Variants in CYLC2 observed in about 807,000 individuals in gnomAD.
CYLC2 encodes the protein cylicin-2.
Under a neutral mutation model 26.1 loss-of-function variants are expected in CYLC2, and 30 were observed. That is an observed-to-expected ratio of 1.15 (90% CI 0.86 to 1.56). The LOEUF (loss-of-function observed/expected upper bound fraction) is 1.56. Ranked by LOEUF, CYLC2 falls within the 40% of genes most tolerant of loss-of-function variation. CYLC2 has a pLI of 0.00. For missense variants in CYLC2, 498 were observed against 394.4 expected, an observed-to-expected ratio of 1.26 and a Z score of -2.23; for synonymous variants, 158 against 132.8, an observed-to-expected ratio of 1.19 and a Z score of -1.31.
At chr9:103,008,625 G>A (rs1249100372) in intron 5 of CYLC2, among the ~76,000 whole-genome samples, 1 of 152,038 alleles carries the variant, frequency 6.6e-6, no homozygotes, top group East Asian at 1.9e-4. Context: ...TATCCAATCT[G>A]TAGCTTAATC....
intron 6 of CYLC2, among the ~76,000 whole-genome samples, chr9:103,013,849 A>G (rs1829450635): frequency 8.8e-6 from 1 of 113,400 alleles, no homozygotes; most frequent in African/African-American, 3.6e-5. Flanking sequence ...TAAAGATAAT[A>G]CAATGTATTA....
chr9:103,018,420 G>C lies in CYLC2; in HGVS notation c.*986G>C, dbSNP rs1265936742. The C allele has an allele frequency of 6.6e-6, 1 of 151,908 alleles. No individual in the cohort carries two copies. Among genetic ancestry groups the C allele is most frequent in the Non-Finnish European group, 1.5e-5 (1 of 67,964 alleles). 9.4% of individuals were successfully genotyped at this position (151,908 alleles called of 1,614,324 possible). A position where few individuals can be genotyped will look rare whatever the true frequency, so the allele number is the denominator to read the frequency against. ...TTCCTGTCATGAAAGTTGCTTGACA[G>C]CTCTAATTACGAATTGAACACATTA... On this transcript the variant is annotated 3_prime_UTR_variant, in exon 8 of 8. Coordinates refer to ENST00000374798, the MANE Select transcript of CYLC2 (RefSeq NM_001340.5).
Position 103,014,937 on chromosome 9 carries a change from A to G in CYLC2, c.*817-1951A>G, listed in dbSNP as rs1271575752. Among the ~76,000 whole-genome samples, 5 of 133,776 alleles carry G rather than the reference A, an allele frequency of 3.7e-5. No homozygotes were observed. The South Asian group carries it at 6.9e-4, about 19-fold the overall frequency. 87.8% of individuals were successfully genotyped at this position (133,776 alleles called of 152,430 possible). On this transcript the variant is annotated intron_variant, in intron 6 of 7. Transcript: ENST00000374798. ...ATACATAATATGTATATTATGTAGT[A>G]TACATAATACATGTAATATACATAT...
In CYLC2 at chr9:103,001,630, T is replaced by C. The variant is rs10820335; in HGVS notation, c.58+12T>C. On this transcript the variant is annotated intron_variant, in intron 2 of 7. Coordinates refer to ENST00000374798, the MANE Select transcript of CYLC2 (RefSeq NM_001340.5). ...TAATTACATTCCAGGTAAGAAAGCA[T>C]TCAATATTTATTACAAAACAGGTGT... is the stretch of plus-strand genomic sequence containing the variant. 361,707 of 1,518,736 alleles carry C rather than the reference T, an allele frequency of 0.24. 46,010 individuals are homozygous for C. The highest frequency in any genetic ancestry group is 0.29 in the Admixed American group (16,280 of 56,874). 94.1% of individuals were successfully genotyped at this position (1,518,736 alleles called of 1,614,324 possible).
intron 3 of CYLC2, 122 bp from the exon 4 acceptor site, chr9:103,004,573 C>A: frequency 1.5e-6 from 1 of 685,044 alleles, no homozygotes; most frequent in Non-Finnish European, 2.2e-6. Flanking sequence ...CTCAAACTTC[C>A]CCATTTTTTA....
At chr9:103,013,859 ATATAT>A (rs1829450918) in intron 6 of CYLC2, among the ~76,000 whole-genome samples, 1 of 91,620 alleles carries the variant, frequency 1.1e-5, no homozygotes, top group Non-Finnish European at 2.1e-5. Flanking sequence ...ACAATGTATT[ATATAT>A]TATATATTAT....
intron 5 of CYLC2, among the ~76,000 whole-genome samples, chr9:103,010,066 G>A (rs148884861): frequency 1.7e-4 from 25 of 151,314 alleles, no homozygotes; most frequent in African/African-American, 5.6e-4. Flanking sequence ...ATTTTTGATG[G>A]CATCAAAATA....
intron 3 of CYLC2, 59 bp downstream of exon 3, chr9:103,003,322 T>A: frequency 7.1e-7 from 1 of 1,414,548 alleles, no homozygotes; most frequent in Non-Finnish European, 9.7e-7. Flanking sequence ...GTAATAATTA[T>A]AACCATAATA....
rs1238066656 is a variant in CYLC2 at position 103,013,521 on chromosome 9, T to A, written c.*816+1424T>A. The stretch of plus-strand genomic sequence containing the variant: ...TATATTATATTTGTAAGAAATAAAT[T>A]ATATTAAGTATATATTAAATTATAT... On this transcript the variant is annotated intron_variant, in intron 6 of 7. Coordinates refer to ENST00000374798, the MANE Select transcript of CYLC2 (RefSeq NM_001340.5). 7.2e-4 allele frequency among the ~76,000 whole-genome samples: 81 copies of A among 112,212 alleles called. 2 individuals carry two copies. The highest frequency in any genetic ancestry group is 2.9e-3 in the African/African-American group (79 of 27,370). The allele number at this position is 112,212 out of a possible 152,430, so 73.6% of individuals were successfully genotyped here.
intron 5 of CYLC2, among the ~76,000 whole-genome samples, chr9:103,007,203 C>A (rs12235843): frequency 6.6e-6 from 1 of 151,752 alleles, no homozygotes; most frequent in Admixed American, 6.6e-5. Flanking sequence ...GGAGAGACAA[C>A]GAAATAAATG....
At chr9:102,997,679 C>T (rs1248719679) in intron 1 of CYLC2, among the ~76,000 whole-genome samples, 1 of 151,938 alleles carries the variant, frequency 6.6e-6, no homozygotes, top group Non-Finnish European at 1.5e-5. Flanking sequence ...GGTCTATGAA[C>T]AACTCACATG....
At chr9:103,009,913 A>G (rs1829388818) in intron 5 of CYLC2, among the ~76,000 whole-genome samples, 2 of 149,430 alleles carry the variant, frequency 1.3e-5, no homozygotes. Context: ...ACATACATAT[A>G]TGTGTATATA....
At position 103,014,139 on chromosome 9, in the gene CYLC2, T is replaced by C. The variant is rs868262265; in HGVS notation, c.*816+2042T>C. ...TATTTTATATTATATTATAATATAT[T>C]AAATATATTATTTAATATATAATAT... is the stretch of plus-strand genomic sequence containing the variant. On this transcript the variant is annotated intron_variant, in intron 6 of 7. Coordinates refer to ENST00000374798, the MANE Select transcript of CYLC2 (RefSeq NM_001340.5). Among the ~76,000 whole-genome samples the C allele has an allele frequency of 4.5e-3, 545 of 121,006 alleles. 7 individuals carry two copies. The highest frequency in any genetic ancestry group is 0.017 in the African/African-American group (511 of 30,332). The allele number at this position is 121,006 out of a possible 152,430, so 79.4% of individuals were successfully genotyped here.
chr9:103,009,180 AT>A (rs1336281627), intron 5 of CYLC2, among the ~76,000 whole-genome samples: 1 of 152,080 alleles, frequency 6.6e-6, no homozygotes, highest in Non-Finnish European at 1.5e-5. Flanking sequence ...CTCAGCTTAC[AT>A]TTTACATTTC....
intron 4 of CYLC2, 26 bp downstream of exon 4, chr9:103,004,877 G>T: frequency 6.3e-7 from 1 of 1,593,898 alleles, no homozygotes; most frequent in Non-Finnish European, 8.5e-7. Context: ...TGTTTTTATA[G>T]TATCTCTGTA....
At chr9:103,015,214 T>C (rs1305756816) in intron 6 of CYLC2, among the ~76,000 whole-genome samples, 3 of 112,622 alleles carry the variant, frequency 2.7e-5, no homozygotes, top group African/African-American at 6.9e-5. Context: ...ATATACATAA[T>C]ACGTATATAC....
In CYLC2 at chr9:103,005,441, T is replaced by C. The variant is rs1829334495; in HGVS notation, c.810T>C (p.Gly270=). 3 of 1,612,694 alleles carry C rather than the reference T, an allele frequency of 1.9e-6. No individual in the cohort carries two copies. The highest frequency in any genetic ancestry group is 2.2e-5 in the East Asian group (1 of 44,794). Residue 270 remains glycine, a synonymous_variant, in exon 5 of 8, where the codon GGT becomes GGC. Coordinates refer to ENST00000374798, the MANE Select transcript of CYLC2 (RefSeq NM_001340.5). ...AAGATGCAAAGGAGATTAAAAAAGG[T>C]AAGAAAGATAAGAAGAAGCCCAGTA... ...AKKDAKEIKK[G]KKDKKKPSST... is the part of the protein sequence containing the mutation.
chr9:103,012,383 G>C (rs899899442), intron 6 of CYLC2, among the ~76,000 whole-genome samples: 1 of 151,994 alleles, frequency 6.6e-6, no homozygotes, highest in Admixed American at 6.6e-5. Context: ...TGCCTCATTA[G>C]TAAATACACC....
intron 2 of CYLC2, among the ~76,000 whole-genome samples, chr9:103,002,357 C>CTTT (rs61123272): frequency 1.3e-5 from 1 of 77,640 alleles, no homozygotes; most frequent in Non-Finnish European, 2.3e-5. Flanking sequence ...CATTTGCCCC[C>CTTT]TTTTTTTTTT....
Sources: gnomAD v4.1 joint callset for allele counts (sites outside exome capture counted in the v4.1 genomes callset) on GRCh38, gnomAD v4.1.1 for gene constraint, MANE v1.5 for transcripts, NCBI Gene and HGNC (gene_info 2026-07-23, HGNC 2026-07-21) for gene names.